Variants in CHST12 observed in about 807,000 individuals in gnomAD.
CHST12 encodes the protein carbohydrate (chondroitin 4) sulfotransferase 12.
Under a neutral mutation model 27.9 loss-of-function variants are expected in CHST12, and 23 were observed. The ratio of observed to expected loss-of-function variants is 0.82; its 90% CI spans 0.59 to 1.17. The LOEUF (loss-of-function observed/expected upper bound fraction) is 1.17, where lower values mean the gene tolerates loss of function less well. Ranked by LOEUF, CHST12 falls within the 50% of genes most tolerant of loss-of-function variation. The pLI is 0.00. For missense variants in CHST12, 682 were observed against 603.0 expected, an observed-to-expected ratio of 1.13 and a Z score of -1.37; for synonymous variants, 322 against 273.0, an observed-to-expected ratio of 1.18 and a Z score of -1.77.
intron 1 of CHST12, among the ~76,000 whole-genome samples, chr7:2,426,632 G>GT (rs1296680244): frequency 1.3e-3 from 195 of 146,618 alleles, no homozygotes; most frequent in Non-Finnish European, 2.0e-3. Context: ...TTAGCTGTAG[G>GT]TTTTTTTTTT....
At position 2,448,327 on chromosome 7, in the gene CHST12, G is replaced by A. The variant is rs1229455499; in HGVS notation, c.*14443G>A. The A allele has an allele frequency of 6.6e-6, 1 of 152,192 alleles. No individual in the cohort carries two copies. Among genetic ancestry groups the A allele is most frequent in the African/African-American group, 2.4e-5 (1 of 41,432 alleles). 9.4% of individuals were successfully genotyped at this position (152,192 alleles called of 1,614,324 possible). A position where few individuals can be genotyped will look rare whatever the true frequency, so the allele number is the denominator to read the frequency against. On this transcript the variant is annotated 3_prime_UTR_variant, in exon 2 of 2. Transcript: ENST00000618655. Reference sequence around the variant, plus strand: ...CTCTCCCATAGCCCCTGCCAGGCTGGATAACCAACTTCATTCTTATACCCG... The same window carrying A: ...CTCTCCCATAGCCCCTGCCAGGCTGAATAACCAACTTCATTCTTATACCCG...
At chr7:2,426,947 T>C (rs987438837) in intron 1 of CHST12, among the ~76,000 whole-genome samples, 8 of 152,126 alleles carry the variant, frequency 5.3e-5, no homozygotes, top group Admixed American at 5.2e-4. Context: ...GCCAAGATCA[T>C]GCCACTGCAC....
chr7:2,413,269 C>T (rs771201228), intron 1 of CHST12, among the ~76,000 whole-genome samples: 1 of 152,210 alleles, frequency 6.6e-6, no homozygotes, highest in Non-Finnish European at 1.5e-5. Flanking sequence ...GTGTTTTCTT[C>T]TGTACTGTGG....
intron 1 of CHST12, among the ~76,000 whole-genome samples, chr7:2,407,037 T>TAA (rs752422764): frequency 3.5e-5 from 5 of 143,152 alleles, no homozygotes; most frequent in South Asian, 2.2e-4. Flanking sequence ...CTCTCGGATG[T>TAA]AAAAAAAAAA....
rs148849970 is a variant in CHST12, at chr7:2,441,401, A to T, written c.*7517A>T. On this transcript the variant is annotated 3_prime_UTR_variant, in exon 2 of 2. Transcript: ENST00000618655. Reference sequence around the variant, plus strand: ...TTCTTCACTCGTTTAAATAGTAATGATAAGAATATGGCTGCAGGGGGCAGC... The same window carrying T: ...TTCTTCACTCGTTTAAATAGTAATGTTAAGAATATGGCTGCAGGGGGCAGC... 6.6e-6 allele frequency: 1 copy of T among 152,212 alleles called. No individual in the cohort carries two copies. The highest frequency in any genetic ancestry group is 1.5e-5 in the Non-Finnish European group (1 of 68,036). The allele number at this position is 152,212 out of a possible 1,614,324, so 9.4% of individuals were successfully genotyped here.
At position 2,433,856 on chromosome 7, in the gene CHST12, C is replaced by G. The variant is rs770564391; in HGVS notation, c.1217C>G (p.Pro406Arg). Residue 406 changes from proline (P) to arginine (R), a missense_variant, in exon 2 of 2, where the codon CCC (proline) becomes CGC (arginine). By Grantham distance (103) the Pro-to-Arg change is moderately radical (BLOSUM62 -2). Coordinates refer to ENST00000618655, the MANE Select transcript of CHST12 (RefSeq NM_018641.5). The surrounding 1 kb of genome is among the most constrained non-coding windows in gnomAD (Gnocchi z 6.1). ...GCCGACTTTGTTCTCTTCGGCTACC[C>G]CAAGCCCGAAAACCTCCTCCGAGAC... Reference protein sequence around the residue: ...YEADFVLFGYPKPENLLRD With the variant: ...YEADFVLFGYRKPENLLRD 1.1e-5 allele frequency: 17 copies of G among 1,583,234 alleles called. 1 individual carries two copies. Among genetic ancestry groups the G allele is most frequent in the South Asian group, 4.5e-5 (4 of 89,802 alleles).
chr7:2,433,516 C>A lies in CHST12; in HGVS notation c.877C>A (p.Arg293Ser). The change falls in exon 2 of 2, where the codon CGC (arginine) becomes AGC (serine). Residue 293 changes from arginine (R) to serine (S), a missense_variant. Physicochemically the swap from Arg to Ser is moderately radical, Grantham distance 110. Coordinates refer to ENST00000618655, the MANE Select transcript of CHST12 (RefSeq NM_018641.5). This position sits in a 1 kb window ranked among gnomAD's most constrained non-coding sequence, Gnocchi z 6.1. ...GCCCGCCTCGGCGCGCGAGGCCTTC[C>A]GCGCTGGCCTCAAGGTGTCCTTCGC... ...SLPASAREAF[R>S]AGLKVSFANF... 1 of 1,612,682 alleles carries A rather than the reference C, an allele frequency of 6.2e-7. No individual in the cohort carries two copies. The highest frequency in any genetic ancestry group is 8.5e-7 in the Non-Finnish European group (1 of 1,179,944).
intron 1 of CHST12, among the ~76,000 whole-genome samples, chr7:2,422,166 G>GT (rs1308287656): frequency 6.6e-6 from 1 of 152,058 alleles, no homozygotes; most frequent in African/African-American, 2.4e-5. Flanking sequence ...CACTCTCCTC[G>GT]TTAGTCTTCA....
chr7:2,415,906 G>A (rs879794476), intron 1 of CHST12, among the ~76,000 whole-genome samples: 25 of 152,104 alleles, frequency 1.6e-4, no homozygotes, highest in African/African-American at 5.3e-4. Flanking sequence ...GAGCCACCGC[G>A]CCTGGCTGGC....
Position 2,409,758 on chromosome 7 carries a change from T to C in CHST12, c.-78+6085T>C, listed in dbSNP as rs552549033. On this transcript the variant is annotated intron_variant, in intron 1 of 1. Transcript: ENST00000618655. The stretch of plus-strand genomic sequence containing the variant: ...CTTTCATGGATATGTATGTGTGGCA[T>C]TGAATTGACCCAAATGGGAACAGTC... Among the ~76,000 whole-genome samples the C allele has an allele frequency of 6.6e-5, 10 of 152,320 alleles. No individual in the cohort carries two copies. In the East Asian group the frequency reaches 9.6e-4, roughly 15 times the overall value.
At chr7:2,419,623 C>T (rs1487738587) in intron 1 of CHST12, among the ~76,000 whole-genome samples, 2 of 150,380 alleles carry the variant, frequency 1.3e-5, no homozygotes, top group African/African-American at 4.9e-5. Flanking sequence ...AGGAGAATCG[C>T]TTGAACCCGG....
chr7:2,412,173 T>C (rs1265747319), intron 1 of CHST12, among the ~76,000 whole-genome samples: 2 of 152,210 alleles, frequency 1.3e-5, no homozygotes, highest in Admixed American at 1.3e-4. Context: ...TAATTACATA[T>C]TTTTATTTGG....
At chr7:2,423,124 A>T (rs371099965) in intron 1 of CHST12, among the ~76,000 whole-genome samples, 33 of 151,920 alleles carry the variant, frequency 2.2e-4, no homozygotes, top group African/African-American at 7.0e-4. Flanking sequence ...AAAAATCCAA[A>T]AATTAGCCGG....
At chr7:2,409,235 C>T (rs182758852) in intron 1 of CHST12, among the ~76,000 whole-genome samples, 29 of 151,678 alleles carry the variant, frequency 1.9e-4, no homozygotes, top group African/African-American at 5.5e-4. Context: ...TTTCGCCTGT[C>T]GCCTTGGGAA....
In CHST12 at chr7:2,439,737, G is replaced by T. The variant is rs1448726850; in HGVS notation, c.*5853G>T. Reference sequence around the variant, plus strand: ...TACTAAAATACAAAAAAATTAGCCGGGCGTGGTGGTGGGCGCCTGTAGTCC... The same window carrying T: ...TACTAAAATACAAAAAAATTAGCCGTGCGTGGTGGTGGGCGCCTGTAGTCC... On this transcript the variant is annotated 3_prime_UTR_variant, in exon 2 of 2. Transcript: ENST00000618655. The T allele has an allele frequency of 1.3e-5, 2 of 151,892 alleles. No homozygotes were observed. The highest frequency in any genetic ancestry group is 2.9e-5 in the Non-Finnish European group (2 of 68,006). The allele number at this position is 151,892 out of a possible 1,614,324, so 9.4% of individuals were successfully genotyped here.
intron 1 of CHST12, among the ~76,000 whole-genome samples, chr7:2,421,745 C>T (rs746350571): frequency 5.3e-4 from 81 of 151,548 alleles, no homozygotes; most frequent in South Asian, 1.0e-3. Context: ...CCTTTTTAAA[C>T]ATTTTTTATA....
rs1324009922 is a variant in CHST12 at position 2,440,976 on chromosome 7, TG to T, written c.*7093del. On this transcript the variant is annotated 3_prime_UTR_variant, in exon 2 of 2. Transcript: ENST00000618655. ...TTTTTCCTTGTCTAAGCACCATCCT[TG>T]CTTAGGAGAGACACGGCTGTGGCTC... 2 of 152,158 alleles carry T rather than the reference TG, an allele frequency of 1.3e-5. No individual in the cohort carries two copies. The highest frequency in any genetic ancestry group is 3.9e-4 in the East Asian group (2 of 5,194). 9.4% of individuals were successfully genotyped at this position (152,158 alleles called of 1,614,324 possible).
At chr7:2,406,332 A>G (rs1781521944) in intron 1 of CHST12, among the ~76,000 whole-genome samples, 1 of 148,178 alleles carries the variant, frequency 6.7e-6, no homozygotes, top group African/African-American at 2.5e-5. Flanking sequence ...AAGATATTTC[A>G]GAGAAGAATG....
At chr7:2,427,971 C>T (rs1782171993) in intron 1 of CHST12, among the ~76,000 whole-genome samples, 1 of 151,932 alleles carries the variant, frequency 6.6e-6, no homozygotes, top group African/African-American at 2.4e-5. Flanking sequence ...CACCCGTCAC[C>T]ATGGCCAGCT....
Sources: allele counts gnomAD v4.1 joint callset (sites outside exome capture counted in the v4.1 genomes callset), GRCh38; gene constraint gnomAD v4.1.1; non-coding constraint Gnocchi (gnomAD v3.1); transcripts MANE v1.5; gene names NCBI Gene and HGNC (gene_info 2026-07-23, HGNC 2026-07-21).